LGR5: variants seen among roughly 807,000 people sequenced by gnomAD.
LGR5 encodes the protein leucine-rich repeat-containing G protein-coupled receptor 5.
In LGR5, 54 loss-of-function variants were observed where a neutral mutation model predicts 76.7. The observed-to-expected ratio is 0.70, with a 90% CI of 0.57 to 0.88. LGR5 has a LOEUF of 0.88. Ranked by LOEUF, LGR5 falls within the 40% of genes least tolerant of loss-of-function variation. The pLI, the probability that LGR5 is intolerant of heterozygous loss-of-function variation, is 0.00. For synonymous variants in LGR5, 406 were observed against 421.9 expected, an observed-to-expected ratio of 0.96 and a Z score of 0.46; for missense variants, 1,078 against 1,073.3, an observed-to-expected ratio of 1.00 and a Z score of -0.06.
chr12:71,548,359 G>A (rs1018023305), intron 4 of LGR5, among the ~76,000 whole-genome samples: 4 of 146,366 alleles, frequency 2.7e-5, no homozygotes, highest in South Asian at 4.3e-4. Flanking sequence ...AGCAATAATA[G>A]TAAAGGCTGA....
chr12:71,495,657 G>T (rs1874279168), intron 1 of LGR5, among the ~76,000 whole-genome samples: 1 of 151,258 alleles, frequency 6.6e-6, no homozygotes, highest in Admixed American at 6.6e-5. Flanking sequence ...GAGGTACAAA[G>T]ATGTTAAATA....
intron 13 of LGR5, 122 bp from the exon 14 acceptor site, chr12:71,577,803 G>C (rs1468954877): frequency 1.5e-5 from 10 of 646,602 alleles, no homozygotes. Flanking sequence ...AGTTTGATAA[G>C]TTAATTGTTT....
rs1487104780 is a variant in LGR5 at position 71,494,005 on chromosome 12, G to A, written c.213-10609G>A. ...GTCCCCCAGGCTGGAGTGTAGTGGC[G>A]TGATCTCGGCTCACTGCAAGCTCTG... On this transcript the variant is annotated intron_variant, in intron 1 of 17. Coordinates refer to ENST00000266674, the MANE Select transcript of LGR5 (RefSeq NM_003667.4). 8.1e-5 allele frequency among the ~76,000 whole-genome samples: 12 copies of A among 147,344 alleles called. 1 individual carries two copies. Among genetic ancestry groups the A allele is most frequent in the African/African-American group, 1.6e-4 (6 of 37,966 alleles).
chr12:71,552,333 G>A (rs931281148), intron 4 of LGR5, among the ~76,000 whole-genome samples: 1 of 152,140 alleles, frequency 6.6e-6, no homozygotes, highest in Non-Finnish European at 1.5e-5. Context: ...GGGAGGCCGA[G>A]GTGGGCAGAT....
At chr12:71,448,926 A>C (rs1872136961) in intron 1 of LGR5, 1 of 152,226 alleles carries the variant, frequency 6.6e-6, no homozygotes, top group Non-Finnish European at 1.5e-5. Flanking sequence ...CTACTCTATC[A>C]TTGTTACAGT....
intron 4 of LGR5, among the ~76,000 whole-genome samples, chr12:71,546,813 G>A (rs1877194461): frequency 6.6e-6 from 1 of 152,162 alleles, no homozygotes; most frequent in Non-Finnish European, 1.5e-5. Context: ...AAGACTGCTG[G>A]GAGAGGATAA....
chr12:71,522,332 T>G (rs970024819), intron 2 of LGR5, among the ~76,000 whole-genome samples: 2 of 152,072 alleles, frequency 1.3e-5, no homozygotes, highest in Non-Finnish European at 2.9e-5. Context: ...AGATGGAAGG[T>G]CAGAGTTAGT....
chr12:71,482,516 T>C (rs1264464752), intron 1 of LGR5, among the ~76,000 whole-genome samples: 3 of 151,590 alleles, frequency 2.0e-5, no homozygotes, highest in Non-Finnish European at 4.4e-5. Flanking sequence ...TTATTTAAAC[T>C]TAAAGACACT....
At chr12:71,520,012 A>G (rs1437533729) in intron 2 of LGR5, among the ~76,000 whole-genome samples, 2 of 152,098 alleles carry the variant, frequency 1.3e-5, no homozygotes, top group East Asian at 3.8e-4. Context: ...ATGGTTATGC[A>G]TAGAACCACC....
chr12:71,507,850 T>G (rs935607190), intron 2 of LGR5, among the ~76,000 whole-genome samples: 1 of 152,018 alleles, frequency 6.6e-6, no homozygotes, highest in African/African-American at 2.4e-5. Context: ...CTTTATCTCT[T>G]TATACGTTAA....
intron 2 of LGR5, among the ~76,000 whole-genome samples, chr12:71,508,119 T>C (rs1335787626): frequency 6.6e-6 from 1 of 150,938 alleles, no homozygotes; most frequent in African/African-American, 2.4e-5. Context: ...TCCCAGCTAC[T>C]CGGGAGGCTG....
At chr12:71,481,605 G>A (rs1040089507) in intron 1 of LGR5, among the ~76,000 whole-genome samples, 27 of 152,100 alleles carry the variant, frequency 1.8e-4, no homozygotes, top group Non-Finnish European at 4.4e-5. Context: ...CAGAGCCTTT[G>A]CATGTGTTTC....
At chr12:71,537,603 G>A (rs1461582287) in intron 4 of LGR5, among the ~76,000 whole-genome samples, 1 of 152,204 alleles carries the variant, frequency 6.6e-6, no homozygotes, top group Non-Finnish European at 1.5e-5. Context: ...CAGTTTGGAG[G>A]TTTAGGGTAT....
intron 1 of LGR5, among the ~76,000 whole-genome samples, chr12:71,457,738 G>T (rs1258031557): frequency 1.3e-5 from 2 of 152,120 alleles, no homozygotes; most frequent in African/African-American, 4.8e-5. Context: ...TGCAATTATT[G>T]TCTGGTCCTA....
At chr12:71,506,905 T>G (rs1297626106) in intron 2 of LGR5, among the ~76,000 whole-genome samples, 1 of 152,208 alleles carries the variant, frequency 6.6e-6, no homozygotes, top group African/African-American at 2.4e-5. Context: ...CTATTTTTTT[T>G]GTTTAAAAAA....
chr12:71,485,875 C>T (rs907800820), intron 1 of LGR5, among the ~76,000 whole-genome samples: 3 of 151,656 alleles, frequency 2.0e-5, no homozygotes, highest in Admixed American at 6.6e-5. Context: ...AAGTGATTCT[C>T]CTGCCTCAGC....
At chr12:71,548,844 A>G (rs1040000255) in intron 4 of LGR5, among the ~76,000 whole-genome samples, 4 of 119,168 alleles carry the variant, frequency 3.4e-5, no homozygotes, top group Non-Finnish European at 7.8e-5. Flanking sequence ...ACACACACAC[A>G]CACACCCTCT....
chr12:71,521,760 G>A (rs1875738415), intron 2 of LGR5, among the ~76,000 whole-genome samples: 1 of 152,176 alleles, frequency 6.6e-6, no homozygotes, highest in Non-Finnish European at 1.5e-5. Flanking sequence ...CACTACTGGG[G>A]CAACCTACTT....
intron 2 of LGR5, among the ~76,000 whole-genome samples, chr12:71,515,928 G>T (rs141094728): frequency 6.6e-6 from 1 of 152,238 alleles, no homozygotes; most frequent in African/African-American, 2.4e-5. Context: ...AATAAATAAG[G>T]AAAGCAACAA....
Sources: allele counts gnomAD v4.1 joint callset (sites outside exome capture counted in the v4.1 genomes callset), GRCh38; gene constraint gnomAD v4.1.1; transcripts MANE v1.5; gene names NCBI Gene and HGNC (gene_info 2026-07-23, HGNC 2026-07-21).